The following ZNF626 variants were observed in gnomAD, a reference collection of about 807,000 sequenced individuals.
ZNF626 encodes the protein CTC-513N18.7.
A neutral mutation model predicts 11.7 loss-of-function variants in ZNF626; 4 were observed. That is an observed-to-expected ratio of 0.34 (90% CI 0.17 to 0.78). The LOEUF (loss-of-function observed/expected upper bound fraction) is 0.78, where lower values mean the gene tolerates loss of function less well. Among genes scored for constraint, ZNF626 ranks in the 30% least tolerant of loss-of-function variants. The probability of loss-of-function intolerance (pLI) is 0.57; values close to 1 mark genes in which losing one functional copy is unlikely to be tolerated. For synonymous variants in ZNF626, 179 were observed against 198.6 expected, an observed-to-expected ratio of 0.90 and a Z score of 0.83; for missense variants, 588 against 587.1, an observed-to-expected ratio of 1.00 and a Z score of -0.01.
intron 3 of ZNF626, among the ~76,000 whole-genome samples, chr19:20,629,464 G>C (rs1228539915): frequency 6.6e-6 from 1 of 152,154 alleles, no homozygotes; most frequent in African/African-American, 2.4e-5. Context: ...TCACTGAGCA[G>C]TGGTTTGTAG....
intron 3 of ZNF626, among the ~76,000 whole-genome samples, chr19:20,642,282 AG>A (rs1167831031): frequency 6.6e-6 from 1 of 152,236 alleles, no homozygotes; most frequent in African/African-American, 2.4e-5. Flanking sequence ...TAAAACCAAT[AG>A]GCACAATAAA....
At chr19:20,650,106 T>C (rs74182982) in intron 1 of ZNF626, among the ~76,000 whole-genome samples, 33,162 of 152,148 alleles carry the variant, frequency 0.22, 4,005 homozygotes, top group East Asian at 0.46. Flanking sequence ...TACAGAGCAC[T>C]GTGCTGGGCG....
chr19:20,625,363 G>GT lies in ZNF626; in HGVS notation c.513dup (p.Pro172ThrfsTer12), dbSNP rs782384330. The GT allele has an allele frequency of 1.9e-4, 302 of 1,613,890 alleles. No homozygotes were observed. Among genetic ancestry groups the GT allele is most frequent in the Non-Finnish European group, 2.3e-4 (274 of 1,180,010 alleles). ...TTGCCACATTCTATATATTTGAAAG[G>GT]TTTTTTCCCAGTATGTCCTCTCTTT... is the stretch of plus-strand genomic sequence containing the variant. On this transcript the variant is annotated frameshift_variant, in exon 4 of 4. Coordinates refer to ENST00000601440, the MANE Select transcript of ZNF626 (RefSeq NM_001076675.3). LOFTEE classifies it low-confidence loss of function (END_TRUNC).
chr19:20,626,768 AACTTAGGAGGCCACCTTGGCCTCCT>A (rs1340304656), intron 3 of ZNF626, among the ~76,000 whole-genome samples: 1 of 151,908 alleles, frequency 6.6e-6, no homozygotes, highest in African/African-American at 2.4e-5. Context: ...TAATCGCAGC[AACTTAGGAGGCCACCTTGGCCTCCT>A]AATTTGAGGT....
intron 3 of ZNF626, among the ~76,000 whole-genome samples, chr19:20,642,710 T>C (rs548764525): frequency 2.0e-5 from 3 of 152,018 alleles, no homozygotes; most frequent in South Asian, 4.2e-4. Flanking sequence ...GTGTAACACA[T>C]GGAAGTATCA....
chr19:20,660,631 C>G (rs1473693293), intron 1 of ZNF626, among the ~76,000 whole-genome samples: 3 of 152,088 alleles, frequency 2.0e-5, no homozygotes, highest in Non-Finnish European at 2.9e-5. Flanking sequence ...ACCACGTTGG[C>G]CAGGCTGGTC....
intron 3 of ZNF626, among the ~76,000 whole-genome samples, chr19:20,631,281 C>G (rs1429003507): frequency 6.6e-6 from 1 of 151,970 alleles, no homozygotes; most frequent in Non-Finnish European, 1.5e-5. Flanking sequence ...CTATAAATGT[C>G]TATTAGGTCC....
At chr19:20,661,326 A>T in intron 1 of ZNF626, 118 bp downstream of exon 1, 3 of 1,363,494 alleles carry the variant, frequency 2.2e-6, no homozygotes, top group South Asian at 1.2e-5. Context: ...GAGCAAGGAG[A>T]ACTGGGGGAG....
intron 3 of ZNF626, among the ~76,000 whole-genome samples, chr19:20,633,897 T>C (rs569822841): frequency 2.9e-4 from 44 of 152,318 alleles, no homozygotes; most frequent in African/African-American, 1.0e-3. Flanking sequence ...TTGGGAGCTG[T>C]TGACCAGAGC....
chr19:20,639,663 G>A (rs1209557499), intron 3 of ZNF626, among the ~76,000 whole-genome samples: 3 of 152,320 alleles, frequency 2.0e-5, no homozygotes, highest in Admixed American at 6.5e-5. Context: ...CTTGAGCCCA[G>A]GAGGCTGAGG....
chr19:20,647,772 C>G (rs1259360633), intron 1 of ZNF626, among the ~76,000 whole-genome samples: 1 of 152,056 alleles, frequency 6.6e-6, no homozygotes, highest in Non-Finnish European at 1.5e-5. Flanking sequence ...AGGTGTGAGC[C>G]ACTGCGCCCG....
In ZNF626 at chr19:20,654,902, G is replaced by A. The variant is rs112545440; in HGVS notation, c.3+6542C>T. Among the ~76,000 whole-genome samples the A allele has an allele frequency of 1.3e-3, 194 of 152,152 alleles. 1 individual carries two copies. The highest frequency in any genetic ancestry group is 3.6e-3 in the African/African-American group (149 of 41,514). On this transcript the variant is annotated intron_variant, in intron 1 of 3. Transcript: ENST00000601440. ...GTGGTGGGTGGATCACCTGAGGTCAGCAGTTCAAGTTCAAGCTGGCAAACA... is the reference window on the plus strand; with the variant it reads ...GTGGTGGGTGGATCACCTGAGGTCAACAGTTCAAGTTCAAGCTGGCAAACA...
At chr19:20,635,445 T>A (rs1288959946) in intron 3 of ZNF626, among the ~76,000 whole-genome samples, 1 of 152,130 alleles carries the variant, frequency 6.6e-6, no homozygotes, top group Non-Finnish European at 1.5e-5. Context: ...GCCTCAGCCT[T>A]CTCAGTAGCT....
At chr19:20,643,879 TAA>T (rs1970048288) in intron 3 of ZNF626, among the ~76,000 whole-genome samples, 1 of 152,162 alleles carries the variant, frequency 6.6e-6, no homozygotes, top group African/African-American at 2.4e-5. Flanking sequence ...GAAACCCTAT[TAA>T]AGCTGAAGTT....
intron 1 of ZNF626, among the ~76,000 whole-genome samples, chr19:20,657,713 G>A (rs1359768790): frequency 6.6e-6 from 1 of 152,012 alleles, no homozygotes; most frequent in Admixed American, 6.6e-5. Context: ...GCTGAGGCAG[G>A]AGAATTGCTT....
chr19:20,630,264 G>C (rs1288990063), intron 3 of ZNF626, among the ~76,000 whole-genome samples: 1 of 152,162 alleles, frequency 6.6e-6, no homozygotes, highest in African/African-American at 2.4e-5. Context: ...TCTCTGCCAG[G>C]CTTTGGTATC....
rs1568451745 is a variant in ZNF626 at position 20,621,062 on chromosome 19, T to A, written c.*3228A>T. 1 of 152,220 alleles carries A rather than the reference T, an allele frequency of 6.6e-6. No individual in the cohort carries two copies. The highest frequency in any genetic ancestry group is 1.5e-5 in the Non-Finnish European group (1 of 68,136). 9.4% of individuals were successfully genotyped at this position (152,220 alleles called of 1,614,324 possible). A position where few individuals can be genotyped will look rare whatever the true frequency, so the allele number is the denominator to read the frequency against. ...GTTAGCCAGGATGGTCTTGATCTCC[T>A]GACCTCATGATCCACCTGCCTGGGC... On this transcript the variant is annotated 3_prime_UTR_variant, in exon 4 of 4. Coordinates refer to ENST00000601440, the MANE Select transcript of ZNF626 (RefSeq NM_001076675.3).
chr19:20,661,232 C>T (rs1177811172), intron 1 of ZNF626, among the ~76,000 whole-genome samples: 1 of 152,162 alleles, frequency 6.6e-6, no homozygotes, highest in Non-Finnish European at 1.5e-5. Context: ...AGGGTAGTCA[C>T]CGCGCAGTGA....
chr19:20,646,925 G>A lies in ZNF626; in HGVS notation c.4-520C>T, dbSNP rs1555771976. Among the ~76,000 whole-genome samples the A allele has an allele frequency of 2.0e-5, 3 of 152,126 alleles. No homozygotes were observed. The East Asian group carries it at 5.8e-4, about 29-fold the overall frequency. ...TGAAATGGTGCCATCTCAGCTCACC[G>A]CCACCTCCGCCTCCCGGGTTCAAGC... On this transcript the variant is annotated intron_variant, in intron 1 of 3. Coordinates refer to ENST00000601440, the MANE Select transcript of ZNF626 (RefSeq NM_001076675.3).
Sources: allele counts gnomAD v4.1 joint callset (sites outside exome capture counted in the v4.1 genomes callset), GRCh38; gene constraint gnomAD v4.1.1; transcripts MANE v1.5; gene names NCBI Gene and HGNC (gene_info 2026-07-23, HGNC 2026-07-21).